The following GPN1 variants were observed in gnomAD, a reference collection of about 807,000 sequenced individuals.
GPN1 encodes GPN-loop GTPase 1, also known as ATP(GTP)-binding protein.
Under a neutral mutation model 55.9 loss-of-function variants are expected in GPN1, and 44 were observed. The observed-to-expected ratio is 0.79, with a 90% CI of 0.62 to 1.01. The LOEUF (loss-of-function observed/expected upper bound fraction) is 1.01. Ranked by LOEUF, GPN1 falls within the 50% of genes least tolerant of loss-of-function variation. The probability of loss-of-function intolerance (pLI) is 0.00; values close to 1 mark genes in which losing one functional copy is unlikely to be tolerated. For missense variants in GPN1, 466 were observed against 462.8 expected, an observed-to-expected ratio of 1.01 and a Z score of -0.06; for synonymous variants, 179 against 162.5, an observed-to-expected ratio of 1.10 and a Z score of -0.77.
chr2:27,629,075 C>G lies in GPN1; in HGVS notation c.17C>G (p.Ala6Gly), dbSNP rs199820330. The G allele has an allele frequency of 2.1e-5, 34 of 1,614,232 alleles. No homozygotes were observed. In the East Asian group the frequency reaches 3.3e-4, roughly 16 times the overall value. Residue 6 changes from alanine (A) to glycine (G), a missense_variant, in exon 1 of 14, where the codon GCT becomes GGT. Transcript: ENST00000610189. ...AGGAGGAAGATGGCGGCGTCCGCAG[C>G]TGCCGCTGAGCTCCAGGCTTCTGGG... MAASAAAAELQASGGP... is the reference protein window; with the variant it reads MAASAGAAELQASGGP...
rs1264433987 is a variant in GPN1 at position 27,651,433 on chromosome 2, A to AT, written c.*1236dup. The AT allele has an allele frequency of 6.6e-6, 1 of 152,336 alleles. No homozygotes were observed. The highest frequency in any genetic ancestry group is 1.5e-5 in the Non-Finnish European group (1 of 68,042). 9.4% of individuals were successfully genotyped at this position (152,336 alleles called of 1,614,324 possible). A position where few individuals can be genotyped will look rare whatever the true frequency, so the allele number is the denominator to read the frequency against. ...ATCCTCACATCATTTGCCTTCTCAT[A>AT]TTTCCCTCGTCTTGACCATCTGGTG... On this transcript the variant is annotated 3_prime_UTR_variant, in exon 14 of 14. Transcript: ENST00000610189.
chr2:27,628,621 C>G (rs1673387167), upstream of GPN1: 3 of 1,551,556 alleles, frequency 1.9e-6, no homozygotes, highest in Admixed American at 3.9e-5. Flanking sequence ...TGGTCCAGCC[C>G]TGAACTGTTT....
intron 12 of GPN1, among the ~76,000 whole-genome samples, chr2:27,645,711 T>A (rs1289429925): frequency 6.6e-6 from 1 of 152,234 alleles, no homozygotes; most frequent in Middle Eastern, 3.4e-3. Flanking sequence ...TTTTAATTTT[T>A]TTTTTTTAAA....
upstream of GPN1, chr2:27,628,285 GT>G: frequency 9.6e-7 from 1 of 1,046,494 alleles, no homozygotes; most frequent in Non-Finnish European, 1.3e-6. Context: ...AACAGACTGG[GT>G]GGTCAGGAGT....
Position 27,631,049 on chromosome 2 carries a change from T to C in GPN1, c.228T>C (p.Tyr76=), listed in dbSNP as rs764224626. 1.5e-6 allele frequency: 2 copies of C among 1,377,706 alleles called. No individual in the cohort carries two copies. Among genetic ancestry groups the C allele is most frequent in the East Asian group, 2.3e-5 (1 of 43,796 alleles). 85.3% of individuals were successfully genotyped at this position (1,377,706 alleles called of 1,614,324 possible). A position where few individuals can be genotyped will look rare whatever the true frequency, so the allele number is the denominator to read the frequency against. The change falls in exon 3 of 14, where the codon TAT becomes TAC. Residue 76 remains tyrosine (Y), a synonymous_variant. Transcript: ENST00000610189. ...ANIDIRDTVK[Y]KEVMKQYGLG... is the part of the protein sequence containing the mutation. ...CAGATATTCGTGATACTGTAAAGTATAAAGAAGTAATGAAACAGTATCCTT... is the reference window on the plus strand; with the variant it reads ...CAGATATTCGTGATACTGTAAAGTACAAAGAAGTAATGAAACAGTATCCTT...
intron 3 of GPN1, 105 bp downstream of exon 3, chr2:27,631,171 G>A: frequency 1.4e-6 from 1 of 692,916 alleles, no homozygotes; most frequent in Non-Finnish European, 2.7e-6. Flanking sequence ...AAATATACAA[G>A]CAAAAGGATG....
intron 12 of GPN1, among the ~76,000 whole-genome samples, chr2:27,644,732 T>TG (rs1268774965): frequency 6.7e-6 from 1 of 148,418 alleles, no homozygotes; most frequent in African/African-American, 2.5e-5. Context: ...TGTTTTTTTT[T>TG]TTTTTTTTTT....
In GPN1 at chr2:27,643,944, C is replaced by T. The variant is rs192785625; in HGVS notation, c.931+1425C>T. Among the ~76,000 whole-genome samples the T allele has an allele frequency of 6.6e-6, 1 of 152,216 alleles. No homozygotes were observed. The highest frequency in any genetic ancestry group is 2.4e-5 in the African/African-American group (1 of 41,536). The stretch of plus-strand genomic sequence containing the variant: ...CTGTAATCCCAGCATTTTGGGAGGC[C>T]GAGGCGGGTGGATCACTTGAGGTCA... On this transcript the variant is annotated intron_variant, in intron 12 of 13. Transcript: ENST00000610189. This position sits in a 1 kb window ranked among gnomAD's most constrained non-coding sequence, Gnocchi z 4.0.
intron 2 of GPN1, among the ~76,000 whole-genome samples, chr2:27,630,324 A>G (rs1004302515): frequency 6.9e-6 from 1 of 145,500 alleles, no homozygotes; most frequent in African/African-American, 2.6e-5. Flanking sequence ...TTCTTTTTTC[A>G]TGTTTTCTAA....
rs761180323 is a variant in GPN1, at chr2:27,629,095, T to C, written c.37T>C (p.Ser13Pro). 1.2e-6 allele frequency: 2 copies of C among 1,614,214 alleles called. No homozygotes were observed. Among genetic ancestry groups the C allele is most frequent in the South Asian group, 1.1e-5 (1 of 91,088 alleles). The change falls in exon 1 of 14, where the codon TCT becomes CCT. Residue 13 changes from serine to proline, a missense_variant. Coordinates refer to ENST00000610189, the MANE Select transcript of GPN1 (RefSeq NM_007266.4). ...ASAAAAELQA[S>P]GGPRHPVCLL... ...CGCAGCTGCCGCTGAGCTCCAGGCT[T>C]CTGGGGGTCCGCGGCACCCAGTGTG...
intron 5 of GPN1, among the ~76,000 whole-genome samples, chr2:27,633,008 A>C (rs1673607491): frequency 1.3e-5 from 2 of 152,240 alleles, no homozygotes; most frequent in Non-Finnish European, 2.9e-5. Flanking sequence ...TATTTAAATG[A>C]ATATAGTCTA....
chr2:27,642,588 AT>A, intron 12 of GPN1, 69 bp downstream of exon 12: 1 of 967,878 alleles, frequency 1.0e-6, no homozygotes, highest in Non-Finnish European at 1.6e-6. Flanking sequence ...TTATTTATTT[AT>A]TTTTGAGACG....
intron 3 of GPN1, chr2:27,631,525 G>T: frequency 2.1e-6 from 1 of 482,994 alleles, no homozygotes; most frequent in Non-Finnish European, 3.7e-6. Context: ...GATCAGAGCC[G>T]GAGGTGTTAT....
intron 2 of GPN1, 55 bp downstream of exon 2, chr2:27,630,007 G>A: frequency 9.9e-7 from 1 of 1,012,302 alleles, no homozygotes; most frequent in East Asian, 2.4e-5. Flanking sequence ...AATGGAAAAG[G>A]CCAGGCGTGG....
chr2:27,629,305 G>A (rs1400960721), intron 1 of GPN1, 136 bp downstream of exon 1: 12 of 1,478,136 alleles, frequency 8.1e-6, no homozygotes, highest in African/African-American at 2.8e-5. Context: ...ATCAACTTTA[G>A]TTCCTTCCCC....
rs3749147 is a variant in GPN1, at chr2:27,629,051, G to A, written c.-8G>A. The A allele has an allele frequency of 0.24, 392,483 of 1,613,938 alleles. 50,452 individuals carry two copies. The highest frequency in any genetic ancestry group is 0.34 in the East Asian group (15,412 of 44,850). ...CTCTATGGTCGGGTGGGTGGGGCCAGGAGGAAGATGGCGGCGTCCGCAGCT... is the reference window on the plus strand; with the variant it reads ...CTCTATGGTCGGGTGGGTGGGGCCAAGAGGAAGATGGCGGCGTCCGCAGCT... On this transcript the variant is annotated 5_prime_UTR_variant, in exon 1 of 14. Coordinates refer to ENST00000610189, the MANE Select transcript of GPN1 (RefSeq NM_007266.4).
rs1203698973 is a variant in GPN1, at chr2:27,651,265, A to C, written c.*1065A>C. 2.0e-5 allele frequency: 3 copies of C among 152,356 alleles called. No individual in the cohort carries two copies. In the East Asian group the frequency reaches 5.8e-4, roughly 29 times the overall value. The allele number at this position is 152,356 out of a possible 1,614,324, so 9.4% of individuals were successfully genotyped here. A position where few individuals can be genotyped will look rare whatever the true frequency, so the allele number is the denominator to read the frequency against. On this transcript the variant is annotated 3_prime_UTR_variant, in exon 14 of 14. Coordinates refer to ENST00000610189, the MANE Select transcript of GPN1 (RefSeq NM_007266.4). ...CAGGAGCATCAGCATCATCTGGGGA[A>C]TTGTTCAACTTACCTCTTATAACCT...
chr2:27,646,525 C>T (rs866684639), intron 12 of GPN1, among the ~76,000 whole-genome samples: 2 of 152,024 alleles, frequency 1.3e-5, no homozygotes, highest in African/African-American at 4.8e-5. Flanking sequence ...TTATCATTGG[C>T]TCTGCAGGGG....
rs561366189 is a variant in GPN1, at chr2:27,637,040, C to T, written c.525-1170C>T. Among the ~76,000 whole-genome samples the T allele has an allele frequency of 5.9e-5, 9 of 151,928 alleles. No individual in the cohort carries two copies. The East Asian group carries it at 9.7e-4, about 16-fold the overall frequency. ...CCTTGAACAATTTGGGGGTTAGAGG[C>T]GCCAACCCCTGCAGAGACCAGCCGG... On this transcript the variant is annotated intron_variant, in intron 7 of 13. Coordinates refer to ENST00000610189, the MANE Select transcript of GPN1 (RefSeq NM_007266.4).
Sources: gnomAD v4.1 joint callset for allele counts (sites outside exome capture counted in the v4.1 genomes callset) on GRCh38, gnomAD v4.1.1 for gene constraint, Gnocchi (gnomAD v3.1) non-coding constraint, MANE v1.5 for transcripts, NCBI Gene and HGNC (gene_info 2026-07-23, HGNC 2026-07-21) for gene names.